The following UBR4 variants were observed in gnomAD, a reference collection of about 807,000 sequenced individuals.
The protein encoded by UBR4 is E3 ubiquitin-protein ligase UBR4.
A neutral mutation model predicts 575.6 loss-of-function variants in UBR4; 124 were observed. The observed-to-expected ratio is 0.22, with a 90% CI of 0.19 to 0.25. The LOEUF (loss-of-function observed/expected upper bound fraction) is 0.25, where lower values mean the gene tolerates loss of function less well. Among genes scored for constraint, UBR4 ranks in the 10% least tolerant of loss-of-function variants. The pLI is 1.00. For synonymous variants in UBR4, 2,455 were observed against 2,473.7 expected, an observed-to-expected ratio of 0.99 and a Z score of 0.22; for missense variants, 4,818 against 6,478.8, an observed-to-expected ratio of 0.74 and a Z score of 8.80.
intron 9 of UBR4, among the ~76,000 whole-genome samples, chr1:19,192,792 T>G (rs1478835250): frequency 2.0e-5 from 3 of 152,034 alleles, no homozygotes; most frequent in African/African-American, 7.2e-5. Flanking sequence ...GATCACTTTT[T>G]TTTTTTTAAG....
chr1:19,128,857 T>C, intron 61 of UBR4, 121 bp downstream of exon 61: 1 of 808,344 alleles, frequency 1.2e-6, no homozygotes, highest in Non-Finnish European at 2.0e-6. Context: ...AAAATTAGAT[T>C]TCATTATTCT....
At position 19,118,737 on chromosome 1, in the gene UBR4, T is replaced by C. The variant is rs1017850712; in HGVS notation, c.10541+135A>G. 106 of 805,906 alleles carry C rather than the reference T, an allele frequency of 1.3e-4. No homozygotes were observed. In the South Asian group the frequency reaches 1.6e-3, roughly 12 times the overall value. 49.9% of individuals were successfully genotyped at this position (805,906 alleles called of 1,614,324 possible). On this transcript the variant is annotated intron_variant, in intron 71 of 105. Coordinates refer to ENST00000375254, the MANE Select transcript of UBR4 (RefSeq NM_020765.3). ...AAGACCCTGGCCTACATGGAGGGGATTGGAATCTCAACTAGGCAGATTCGC... is the reference window on the plus strand; with the variant it reads ...AAGACCCTGGCCTACATGGAGGGGACTGGAATCTCAACTAGGCAGATTCGC...
chr1:19,208,064 G>C (rs1234336289), intron 1 of UBR4, among the ~76,000 whole-genome samples: 2 of 152,216 alleles, frequency 1.3e-5, no homozygotes, highest in African/African-American at 4.8e-5. Context: ...TTGTAAGCCA[G>C]GTATTTCTTC....
intron 89 of UBR4, 77 bp from the exon 90 acceptor site, chr1:19,099,754 A>C: frequency 7.8e-7 from 1 of 1,288,950 alleles, no homozygotes; most frequent in Admixed American, 2.0e-5. Flanking sequence ...AGGGCACCTT[A>C]CGGCAATGGT....
rs989451221 is a variant in UBR4, at chr1:19,110,704, A to C, written c.11892+38T>G. 27 of 1,602,002 alleles carry C rather than the reference A, an allele frequency of 1.7e-5. No individual in the cohort carries two copies. Among genetic ancestry groups the C allele is most frequent in the Non-Finnish European group, 2.3e-5 (27 of 1,169,556 alleles). On this transcript the variant is annotated intron_variant, in intron 79 of 105. Coordinates refer to ENST00000375254, the MANE Select transcript of UBR4 (RefSeq NM_020765.3). This position sits in a 1 kb window ranked among gnomAD's most constrained non-coding sequence, Gnocchi z 4.5. ...GAGAAACACAAGGCATGTGAGGGGA[A>C]GTCAGAGAGGACAGCTGGGCCTGCT...
In UBR4 at chr1:19,112,960, T is replaced by C. The variant is rs533392328; in HGVS notation, c.11458-93A>G. 31 of 1,286,532 alleles carry C rather than the reference T, an allele frequency of 2.4e-5. No individual in the cohort carries two copies. The African/African-American group carries it at 4.3e-4, about 18-fold the overall frequency. 79.7% of individuals were successfully genotyped at this position (1,286,532 alleles called of 1,614,324 possible). ...ATTAGTTTTGCTTTAGAAAAAACTT[T>C]ACATGCATTATATAACTTAATCTTC... On this transcript the variant is annotated intron_variant, in intron 77 of 105. Coordinates refer to ENST00000375254, the MANE Select transcript of UBR4 (RefSeq NM_020765.3).
Position 19,173,625 on chromosome 1 carries a change from G to A in UBR4, c.2983-4C>T. 1 of 1,613,892 alleles carries A rather than the reference G, an allele frequency of 6.2e-7. No individual in the cohort carries two copies. Among genetic ancestry groups the A allele is most frequent in the Non-Finnish European group, 8.5e-7 (1 of 1,179,898 alleles). On this transcript the variant is annotated splice_polypyrimidine_tract_variant and splice_region_variant and intron_variant, in intron 22 of 105. Transcript: ENST00000375254. ...AATATTGAAGGGCACAGGCCTCCTG[G>A]AGAAAGGAAAAGCAGCATAGAGGTA...
At chr1:19,163,346 A>T (rs2087717673) in intron 34 of UBR4, among the ~76,000 whole-genome samples, 1 of 152,252 alleles carries the variant, frequency 6.6e-6, no homozygotes, top group Non-Finnish European at 1.5e-5. Flanking sequence ...TTTTCTTACC[A>T]GAGTAACCAG....
At chr1:19,181,469 A>C (rs1241863765) in intron 17 of UBR4, among the ~76,000 whole-genome samples, 2 of 152,136 alleles carry the variant, frequency 1.3e-5, no homozygotes, top group African/African-American at 4.8e-5. Flanking sequence ...GTTTCATTTG[A>C]GTTTTAAACT....
Position 19,093,494 on chromosome 1 carries a change from G to A in UBR4, c.13938-8C>T. 4 of 1,613,744 alleles carry A rather than the reference G, an allele frequency of 2.5e-6. No individual in the cohort carries two copies. Among genetic ancestry groups the A allele is most frequent in the Non-Finnish European group, 3.4e-6 (4 of 1,179,766 alleles). On this transcript the variant is annotated splice_polypyrimidine_tract_variant and splice_region_variant and intron_variant, in intron 95 of 105. Coordinates refer to ENST00000375254, the MANE Select transcript of UBR4 (RefSeq NM_020765.3). This position sits in a 1 kb window ranked among gnomAD's most constrained non-coding sequence, Gnocchi z 4.8. Reference sequence around the variant, plus strand: ...CTGTGATCTTCATCATATCTAGGAGGAAAGAGCAGAGTTTGAGGGTGTGAA... The same window carrying A: ...CTGTGATCTTCATCATATCTAGGAGAAAAGAGCAGAGTTTGAGGGTGTGAA...
Position 19,115,566 on chromosome 1 carries a change from G to A in UBR4, c.10895C>T (p.Pro3632Leu), listed in dbSNP as rs201555852. ...CAGATTGGAGGCCACAATGGGCAAC[G>A]GCAGGTCAATCTTCACCTCTGTCTG... Reference protein sequence around the residue: ...PGQTEVKIDLPLPIVASNLMI... With the variant: ...PGQTEVKIDLLLPIVASNLMI... Residue 3632 changes from proline (P) to leucine (L), a missense_variant, in exon 74 of 106, where the codon CCG becomes CTG. Transcript: ENST00000375254. 6 of 1,614,160 alleles carry A rather than the reference G, an allele frequency of 3.7e-6. No homozygotes were observed. The Admixed American group carries it at 5.0e-5, about 13-fold the overall frequency.
chr1:19,183,888 C>G lies in UBR4; in HGVS notation c.2107G>C (p.Asp703His). The change falls in exon 17 of 106, where the codon GAT becomes CAT. Residue 703 changes from aspartate to histidine, a missense_variant. Physicochemically the swap from Asp to His is moderately conservative, Grantham distance 81. This residue lies in a region of UBR4 where 1,172 missense variants were observed against 1,259.7 expected (regional missense o/e 0.93). Coordinates refer to ENST00000375254, the MANE Select transcript of UBR4 (RefSeq NM_020765.3). ...VDKDGLKGSS[D>H]EEFAAALYHF... ...TAGAGAGCTGCAGCAAACTCTTCATCTGATGAACCTTAAAGACAAGTAGAA... is the reference window on the plus strand; with the variant it reads ...TAGAGAGCTGCAGCAAACTCTTCATGTGATGAACCTTAAAGACAAGTAGAA... 2 of 1,614,126 alleles carry G rather than the reference C, an allele frequency of 1.2e-6. No homozygotes were observed. Among genetic ancestry groups the G allele is most frequent in the Non-Finnish European group, 1.7e-6 (2 of 1,179,996 alleles).
intron 5 of UBR4, 49 bp downstream of exon 5, chr1:19,198,492 A>T (rs1405051695): frequency 1.3e-6 from 2 of 1,589,414 alleles, no homozygotes; most frequent in East Asian, 4.5e-5. Context: ...TAGTGTTATC[A>T]TCTTAACAAA....
In UBR4 at chr1:19,119,035, T is replaced by G. The variant is rs549819342; in HGVS notation, c.10456-78A>C. On this transcript the variant is annotated intron_variant, in intron 70 of 105. Transcript: ENST00000375254. ...TGGAAAAGACTTTTGTCTTCTGCAT[T>G]CTAGCTGAATACTGCCCTAGACCTA... 8 of 1,334,260 alleles carry G rather than the reference T, an allele frequency of 6.0e-6. No individual in the cohort carries two copies. The African/African-American group carries it at 1.2e-4, about 19-fold the overall frequency. 82.7% of individuals were successfully genotyped at this position (1,334,260 alleles called of 1,614,324 possible). A position where few individuals can be genotyped will look rare whatever the true frequency, so the allele number is the denominator to read the frequency against.
intron 59 of UBR4, among the ~76,000 whole-genome samples, chr1:19,138,418 A>ATC (rs2083435484): frequency 1.3e-5 from 2 of 152,204 alleles, no homozygotes; most frequent in African/African-American, 4.8e-5. Context: ...AATGATCTTA[A>ATC]TCTCAGATGC....
chr1:19,109,359 T>C (rs757878452), intron 81 of UBR4, among the ~76,000 whole-genome samples: 1 of 152,246 alleles, frequency 6.6e-6, no homozygotes, highest in Admixed American at 6.5e-5. Context: ...TTAATAATAA[T>C]TCACTAAGCA....
intron 49 of UBR4, chr1:19,149,612 T>C (rs997551921): frequency 8.2e-6 from 5 of 612,370 alleles, no homozygotes; most frequent in South Asian, 2.0e-5. Context: ...TTTTTACACA[T>C]GGACAGCTCT....
Position 19,197,181 on chromosome 1 carries a change from T to C in UBR4, c.978A>G (p.Leu326=), listed in dbSNP as rs2092508795. ...PVLEPLNPSR[L]QDVTVLSLSC... is the part of the protein sequence containing the mutation. ...TTAGGCTGAGGACTGTCACATCTTG[T>C]AGACGAGAAGGATTGAGAGGTTCCA... The change falls in exon 8 of 106, where the codon CTA becomes CTG. Residue 326 remains leucine, a synonymous_variant. Transcript: ENST00000375254. 5 of 1,614,126 alleles carry C rather than the reference T, an allele frequency of 3.1e-6. No individual in the cohort carries two copies. Among genetic ancestry groups the C allele is most frequent in the South Asian group, 1.1e-5 (1 of 91,082 alleles).
At chr1:19,136,976 A>G (rs1557733187) in intron 60 of UBR4, among the ~76,000 whole-genome samples, 3 of 151,736 alleles carry the variant, frequency 2.0e-5, no homozygotes, top group Admixed American at 2.0e-4. Flanking sequence ...ATCAGGCACC[A>G]TTTTTTTTAC....
Sources: gnomAD v4.1 joint callset for allele counts (sites outside exome capture counted in the v4.1 genomes callset) on GRCh38, gnomAD v4.1.1 for gene constraint, gnomAD v4.1.1 regional missense constraint, Gnocchi (gnomAD v3.1) non-coding constraint, MANE v1.5 for transcripts, NCBI Gene and HGNC (gene_info 2026-07-23, HGNC 2026-07-21) for gene names.